Variants in QKI observed in about 807,000 individuals in gnomAD.
QKI encodes the protein QKI, KH domain containing RNA binding.
Under a neutral mutation model 39.0 loss-of-function variants are expected in QKI, and 10 were observed. The observed-to-expected ratio is 0.26, with a 90% CI of 0.16 to 0.43. QKI has a LOEUF of 0.43. QKI is among the 20% of genes least tolerant of loss of function. The pLI is 1.00. For missense variants in QKI, 218 were observed against 428.0 expected (o/e 0.51, Z 4.33); for synonymous variants, 204 against 155.4 (o/e 1.31, Z -2.33).
At chr6:163,562,832 T>G (rs1197228900) in intron 5 of QKI, among the ~76,000 whole-genome samples, 1 of 152,226 alleles carries the variant, frequency 6.6e-6, no homozygotes, top group Non-Finnish European at 1.5e-5. Flanking sequence ...TTACAAATTG[T>G]TGACATTAAT....
intron 1 of QKI, among the ~76,000 whole-genome samples, chr6:163,418,252 A>T (rs1787699041): frequency 6.6e-6 from 1 of 152,104 alleles, no homozygotes; most frequent in Admixed American, 6.5e-5. Context: ...TGAGATTTTA[A>T]ATTTTTTATT....
chr6:163,488,970 T>C (rs1332189132), intron 3 of QKI, among the ~76,000 whole-genome samples: 1 of 110,898 alleles, frequency 9.0e-6, no homozygotes, highest in East Asian at 2.9e-4. Context: ...TATCCTTCCA[T>C]TTCTTTTTTT....
In QKI at chr6:163,530,906, A is replaced by G. The variant is rs578222743; in HGVS notation, c.403-4076A>G. 2.6e-5 allele frequency among the ~76,000 whole-genome samples: 4 copies of G among 152,276 alleles called. No individual in the cohort carries two copies. The East Asian group carries it at 7.7e-4, about 29-fold the overall frequency. On this transcript the variant is annotated intron_variant, in intron 3 of 7. Transcript: ENST00000361752. ...TCCCTCAGTTTTGCGAAAAATATAT[A>G]ACATTGATGATTTTTCTCCCTCTGC...
chr6:163,432,977 A>C (rs1788954341), intron 1 of QKI, among the ~76,000 whole-genome samples: 1 of 152,212 alleles, frequency 6.6e-6, no homozygotes, highest in South Asian at 2.1e-4. Context: ...AGATAAATGA[A>C]TCCCTTAAGA....
chr6:163,577,673 C>T lies in QKI; in HGVS notation c.*6963C>T, dbSNP rs997669100. 1.3e-5 allele frequency: 2 copies of T among 152,514 alleles called. No homozygotes were observed. The highest frequency in any genetic ancestry group is 3.4e-3 in the Middle Eastern group (1 of 294). 9.4% of individuals were successfully genotyped at this position (152,514 alleles called of 1,614,324 possible). ...AATCCTTCCCCCCGGCTCTCTGGCT[C>T]CTGTGGATATCTGTGCTTGTTTCCT... On this transcript the variant is annotated 3_prime_UTR_variant, in exon 8 of 8. Transcript: ENST00000361752.
chr6:163,534,557 C>A (rs1781075839), intron 3 of QKI, among the ~76,000 whole-genome samples: 3 of 152,180 alleles, frequency 2.0e-5, no homozygotes, highest in Admixed American at 2.0e-4. Context: ...AGGTGACCCC[C>A]TTAACCTTGA....
At chr6:163,554,281 C>G (rs941634244) in intron 4 of QKI, among the ~76,000 whole-genome samples, 5 of 152,144 alleles carry the variant, frequency 3.3e-5, no homozygotes, top group Non-Finnish European at 7.4e-5. Context: ...GGAAAGAGAA[C>G]ATCTCTTTCC....
At position 163,577,729 on chromosome 6, in the gene QKI, A is replaced by G. The variant is rs2128255307; in HGVS notation, c.*7019A>G. ...AGGATGGTGATCTGACTTTCAAACC[A>G]GCTTCTCAAAAGGGGTGACATAAAA... On this transcript the variant is annotated 3_prime_UTR_variant, in exon 8 of 8. Transcript: ENST00000361752. 1 of 152,342 alleles carries G rather than the reference A, an allele frequency of 6.6e-6. No homozygotes were observed. Among genetic ancestry groups the G allele is most frequent in the South Asian group, 2.1e-4 (1 of 4,824 alleles). 9.4% of individuals were successfully genotyped at this position (152,342 alleles called of 1,614,324 possible).
intron 3 of QKI, among the ~76,000 whole-genome samples, chr6:163,530,469 C>G (rs1045575378): frequency 1.3e-5 from 2 of 152,138 alleles, no homozygotes; most frequent in African/African-American, 4.8e-5. Flanking sequence ...TAAAATTTGC[C>G]AATCCCAGAT....
At chr6:163,517,080 TTTCTCTCTCTCTC>T (rs1779864790) in intron 3 of QKI, among the ~76,000 whole-genome samples, 1 of 137,408 alleles carries the variant, frequency 7.3e-6, no homozygotes, top group Non-Finnish European at 1.5e-5. Flanking sequence ...TCTCTCTCTC[TTTCTCTCTCTCTC>T]TCTCTCTCTA....
intron 4 of QKI, among the ~76,000 whole-genome samples, chr6:163,548,273 C>T (rs1226170688): frequency 1.3e-5 from 2 of 152,182 alleles, no homozygotes; most frequent in African/African-American, 4.8e-5. Context: ...CTTGCACATA[C>T]ATAGAAAGTG....
At chr6:163,541,668 C>T (rs966649931) in intron 4 of QKI, among the ~76,000 whole-genome samples, 14 of 151,712 alleles carry the variant, frequency 9.2e-5, no homozygotes, top group South Asian at 2.1e-4. Context: ...GTATGTAATC[C>T]GTCTATTATA....
chr6:163,495,357 T>A (rs910061494), intron 3 of QKI, among the ~76,000 whole-genome samples: 2 of 152,182 alleles, frequency 1.3e-5, no homozygotes, highest in Admixed American at 1.3e-4. Flanking sequence ...TCCTGGTGAC[T>A]TTACCACAAA....
At chr6:163,488,973 CTTTTTTT>C (rs767477914) in intron 3 of QKI, among the ~76,000 whole-genome samples, 2 of 122,122 alleles carry the variant, frequency 1.6e-5, no homozygotes, top group Non-Finnish European at 3.4e-5. Context: ...CCTTCCATTT[CTTTTTTT>C]TTTTTTTTTT....
intron 2 of QKI, among the ~76,000 whole-genome samples, chr6:163,468,429 A>G (rs541620314): frequency 1.2e-3 from 179 of 152,250 alleles, no homozygotes; most frequent in African/African-American, 4.0e-3. Context: ...TTTATTATCT[A>G]TTGTGATAAT....
intron 4 of QKI, among the ~76,000 whole-genome samples, chr6:163,539,809 C>G (rs1248474693): frequency 6.6e-6 from 1 of 152,118 alleles, no homozygotes; most frequent in African/African-American, 2.4e-5. Flanking sequence ...GCCAGTATTG[C>G]AGGAAAATGC....
intron 3 of QKI, among the ~76,000 whole-genome samples, chr6:163,519,362 C>G (rs918268301): frequency 6.6e-6 from 1 of 151,974 alleles, no homozygotes. Context: ...GCTCTTAAGA[C>G]AGCTTGACAA....
intron 1 of QKI, among the ~76,000 whole-genome samples, chr6:163,444,653 G>T (rs939368101): frequency 6.6e-6 from 1 of 152,142 alleles, no homozygotes; most frequent in African/African-American, 2.4e-5. Flanking sequence ...TTTTGGAGAA[G>T]AGTAACGAAT....
intron 3 of QKI, among the ~76,000 whole-genome samples, chr6:163,489,700 TAAC>T (rs1209409582): frequency 6.6e-6 from 1 of 152,168 alleles, no homozygotes; most frequent in Non-Finnish European, 1.5e-5. Context: ...TCTGTAAGCT[TAAC>T]AAGCTTTTCT....
Sources: allele counts gnomAD v4.1 joint callset (sites outside exome capture counted in the v4.1 genomes callset), GRCh38; gene constraint gnomAD v4.1.1; transcripts MANE v1.5; gene names NCBI Gene and HGNC (gene_info 2026-07-23, HGNC 2026-07-21).